The following TMEM232 variants were observed in gnomAD, a reference collection of about 807,000 sequenced individuals.
TMEM232 encodes transmembrane protein 232.
Under a neutral mutation model 78.8 loss-of-function variants are expected in TMEM232, and 80 were observed. That is an observed-to-expected ratio of 1.01 (90% CI 0.85 to 1.22). TMEM232 has a LOEUF of 1.22. Ranked by LOEUF, TMEM232 falls within the 50% of genes most tolerant of loss-of-function variation. TMEM232 has a pLI of 0.00. For synonymous variants in TMEM232, 297 were observed against 254.3 expected (o/e 1.17, Z -1.60); for missense variants, 881 against 742.2 (o/e 1.19, Z -2.17).
At position 110,562,463 on chromosome 5, in the gene TMEM232, C is replaced by T. The variant is rs142109746; in HGVS notation, c.1455+5984G>A. On this transcript the variant is annotated intron_variant, in intron 11 of 13. Transcript: ENST00000455884. ...ATAATTTAAATTTCCACCTCAAGTACTATTTAATACTTGAAGAGAACAATA... is the reference window on the plus strand; with the variant it reads ...ATAATTTAAATTTCCACCTCAAGTATTATTTAATACTTGAAGAGAACAATA... Among the ~76,000 whole-genome samples the T allele has an allele frequency of 1.8e-3, 278 of 152,112 alleles. 2 individuals are homozygous for T. Among genetic ancestry groups the T allele is most frequent in the African/African-American group, 6.1e-3 (252 of 41,502 alleles).
intron 2 of TMEM232, among the ~76,000 whole-genome samples, chr5:110,400,043 C>T (rs562136050): frequency 2.0e-5 from 3 of 152,256 alleles, no homozygotes; most frequent in South Asian, 4.1e-4. Context: ...CATGCTTTTA[C>T]AGTGGAAATC....
At chr5:110,633,939 T>C (rs1272313918) in intron 5 of TMEM232, among the ~76,000 whole-genome samples, 1 of 152,208 alleles carries the variant, frequency 6.6e-6, no homozygotes, top group Admixed American at 6.5e-5. Context: ...TCTAATTGTA[T>C]GCTGCCTATA....
At chr5:110,536,292 TTC>T (rs1491192992) in intron 11 of TMEM232, among the ~76,000 whole-genome samples, 228 of 152,322 alleles carry the variant, frequency 1.5e-3, no homozygotes, top group African/African-American at 5.3e-3. Flanking sequence ...TGCCTTTTTT[TTC>T]TTTTTCAGTA....
intron 12 of TMEM232, among the ~76,000 whole-genome samples, chr5:110,506,525 GA>G (rs1766926302): frequency 6.6e-6 from 1 of 152,072 alleles, no homozygotes; most frequent in Non-Finnish European, 1.5e-5. Context: ...AGCCAAATAG[GA>G]TCATTCAAAT....
intron 12 of TMEM232, among the ~76,000 whole-genome samples, chr5:110,467,391 G>T (rs1379222909): frequency 2.0e-5 from 3 of 152,190 alleles, no homozygotes; most frequent in Non-Finnish European, 4.4e-5. Flanking sequence ...AGGCTGATGA[G>T]ATAAAACTGA....
chr5:110,432,206 A>C (rs1257399186), intron 12 of TMEM232, among the ~76,000 whole-genome samples: 1 of 151,648 alleles, frequency 6.6e-6, no homozygotes, highest in Non-Finnish European at 1.5e-5. Flanking sequence ...GTCAATAAGA[A>C]AGAAAAATTT....
At chr5:110,604,139 A>G (rs1009639928) in intron 10 of TMEM232, among the ~76,000 whole-genome samples, 7 of 152,146 alleles carry the variant, frequency 4.6e-5, no homozygotes, top group African/African-American at 1.7e-4. Context: ...TTCAGTATCA[A>G]TTATCTCAGC....
Position 110,627,813 on chromosome 5 carries a change from T to A in TMEM232, c.569A>T (p.Gln190Leu), listed in dbSNP as rs1424270697. Residue 190 changes from glutamine (Q) to leucine (L), a missense_variant, in exon 6 of 14, where the codon CAA becomes CTA. By Grantham distance (113) the Gln-to-Leu change is moderately radical. Coordinates refer to ENST00000455884, the MANE Select transcript of TMEM232 (RefSeq NM_001039763.4). ...FLHGHLESFK[Q>L]HLLRLQPYLY... ...ATATGGTTGAAGCCTAAGTAAATGT[T>A]GTTTAAAACTTTCTAGATGACCATG... 6.5e-7 allele frequency: 1 copy of A among 1,532,650 alleles called. No homozygotes were observed. The highest frequency in any genetic ancestry group is 8.8e-7 in the Non-Finnish European group (1 of 1,141,296). The allele number at this position is 1,532,650 out of a possible 1,614,324, so 94.9% of individuals were successfully genotyped here.
intron 2 of TMEM232, among the ~76,000 whole-genome samples, chr5:110,644,132 G>C (rs1787122648): frequency 6.6e-6 from 1 of 151,824 alleles, no homozygotes; most frequent in Middle Eastern, 3.2e-3. Flanking sequence ...TGATAATTGG[G>C]CATTTTGAAA....
chr5:110,452,335 C>A (rs1461239497), intron 12 of TMEM232, among the ~76,000 whole-genome samples: 1 of 152,094 alleles, frequency 6.6e-6, no homozygotes, highest in African/African-American at 2.4e-5. Flanking sequence ...AGTTTTACCT[C>A]AATACTCCTC....
intron 1 of TMEM232, among the ~76,000 whole-genome samples, chr5:110,678,541 T>C (rs948163930): frequency 2.0e-5 from 3 of 152,198 alleles, no homozygotes; most frequent in African/African-American, 7.2e-5. Flanking sequence ...TTACCCAAAG[T>C]CCATAGTTTA....
intron 12 of TMEM232, among the ~76,000 whole-genome samples, chr5:110,453,860 C>G (rs1580742738): frequency 6.7e-6 from 1 of 149,730 alleles, no homozygotes; most frequent in African/African-American, 2.4e-5. Context: ...TATAAGACAT[C>G]AGCACCACAG....
chr5:110,734,352 C>A (rs114665529), intron 2 of TMEM232, among the ~76,000 whole-genome samples: 1,954 of 152,192 alleles, frequency 0.013, 50 homozygotes, highest in African/African-American at 0.044. Flanking sequence ...GAAGCCCAAG[C>A]GGGCAAGCCA....
chr5:110,695,857 A>G (rs142585813), intron 1 of TMEM232, among the ~76,000 whole-genome samples: 11,322 of 152,192 alleles, frequency 0.074, 515 homozygotes, highest in South Asian at 0.18. Flanking sequence ...ATTCACAGCC[A>G]AATTCTACCA....
chr5:110,453,351 G>C (rs1760529532), intron 12 of TMEM232, among the ~76,000 whole-genome samples: 1 of 151,784 alleles, frequency 6.6e-6, no homozygotes, highest in African/African-American at 2.4e-5. Flanking sequence ...CGCCAGGCTG[G>C]AGTGCAGTGG....
At chr5:110,474,105 T>C (rs1762980327) in intron 12 of TMEM232, among the ~76,000 whole-genome samples, 1 of 151,756 alleles carries the variant, frequency 6.6e-6, no homozygotes, top group Non-Finnish European at 1.5e-5. Flanking sequence ...TTAACAAAAA[T>C]ACATTGTACA....
rs368843286 is a variant in TMEM232 at position 110,389,745 on chromosome 5, A to C, written n.615+671T>G. On this transcript the variant is annotated intron_variant and non_coding_transcript_variant, in intron 4 of 8. Transcript: ENST00000507188. ...AGATGCCAATATCAGACAGGTATGA[A>C]GATTACCATGTTTCCACTGGAGCTT... Among the ~76,000 whole-genome samples the C allele has an allele frequency of 2.0e-5, 3 of 152,214 alleles. No individual in the cohort carries two copies. The East Asian group carries it at 5.8e-4, about 29-fold the overall frequency.
intron 1 of TMEM232, among the ~76,000 whole-genome samples, chr5:110,721,237 A>T (rs1797567583): frequency 6.6e-6 from 1 of 152,134 alleles, no homozygotes; most frequent in African/African-American, 2.4e-5. Context: ...AATATATGAC[A>T]TTACAACAAA....
At chr5:110,732,395 T>G (rs1178082360) in intron 2 of TMEM232, among the ~76,000 whole-genome samples, 2 of 152,204 alleles carry the variant, frequency 1.3e-5, no homozygotes, top group Non-Finnish European at 2.9e-5. Context: ...TAGCGCATTT[T>G]CATGCTGCTG....
Sources: gnomAD v4.1 joint callset for allele counts (sites outside exome capture counted in the v4.1 genomes callset) on GRCh38, gnomAD v4.1.1 for gene constraint, MANE v1.5 for transcripts, NCBI Gene and HGNC (gene_info 2026-07-23, HGNC 2026-07-21) for gene names.